The following NDRG3 variants were observed in gnomAD, a reference collection of about 807,000 sequenced individuals.
The protein encoded by NDRG3 is NDRG family member 3.
In NDRG3, 23 loss-of-function variants were observed where a neutral mutation model predicts 57.2. That is an observed-to-expected ratio of 0.40 (90% CI 0.29 to 0.57). The LOEUF is 0.57. Ranked by LOEUF, NDRG3 falls within the 20% of genes least tolerant of loss-of-function variation. The pLI is 0.42. For missense variants in NDRG3, 384 were observed against 457.3 expected (o/e 0.84, Z 1.46); for synonymous variants, 132 against 162.6 (o/e 0.81, Z 1.43).
intron 5 of NDRG3, among the ~76,000 whole-genome samples, chr20:36,686,348 T>C (rs1045438841): frequency 6.6e-6 from 1 of 152,212 alleles, no homozygotes; most frequent in African/African-American, 2.4e-5. Flanking sequence ...GTTTCCTCAC[T>C]TATAAAATGG....
At chr20:36,682,398 A>G (rs886585723) in intron 7 of NDRG3, 120 bp downstream of exon 7, 2 of 744,110 alleles carry the variant, frequency 2.7e-6, no homozygotes, top group African/African-American at 3.5e-5. Context: ...TAAAGCTGAC[A>G]GAAGTTACAG....
chr20:36,723,102 C>T (rs1475496146), intron 1 of NDRG3, among the ~76,000 whole-genome samples: 2 of 152,204 alleles, frequency 1.3e-5, no homozygotes, highest in East Asian at 1.9e-4. Context: ...CACCTGACTG[C>T]AACCACATGA....
intron 5 of NDRG3, 98 bp downstream of exon 5, chr20:36,687,394 A>T: frequency 6.9e-7 from 1 of 1,451,990 alleles, no homozygotes; most frequent in Non-Finnish European, 9.4e-7. Flanking sequence ...ATAGACGGTA[A>T]TAAAATCAAA....
chr20:36,674,600 T>C (rs942247170), intron 8 of NDRG3, among the ~76,000 whole-genome samples: 3 of 149,840 alleles, frequency 2.0e-5, no homozygotes, highest in African/African-American at 7.4e-5. Context: ...TAAAGCTTTT[T>C]TTTTTTTTTT....
At chr20:36,661,346 C>T (rs1707786853) in intron 12 of NDRG3, among the ~76,000 whole-genome samples, 1 of 152,180 alleles carries the variant, frequency 6.6e-6, no homozygotes. Context: ...TTTGGGGAGA[C>T]AATCTGTTGG....
At chr20:36,725,911 A>T (rs1984902611) in intron 1 of NDRG3, among the ~76,000 whole-genome samples, 1 of 148,956 alleles carries the variant, frequency 6.7e-6, no homozygotes, top group South Asian at 2.1e-4. Context: ...AGTGACTGGC[A>T]TTCACCTAGT....
chr20:36,746,079 AGCGGCGGCGGCG>A (rs11466997), exon 1 of NDRG3: 734 of 251,364 alleles, frequency 2.9e-3, 14 homozygotes, highest in East Asian at 0.019. Context: ...GTGCAGCAGC[AGCGGCGGCGGCG>A]GCGGCGGCGG....
intron 9 of NDRG3, among the ~76,000 whole-genome samples, chr20:36,666,636 C>T (rs1302651248): frequency 1.3e-5 from 2 of 152,054 alleles, no homozygotes; most frequent in African/African-American, 4.8e-5. Flanking sequence ...CAAGTACTAG[C>T]TGTGGAACTT....
At chr20:36,732,802 T>G (rs912860032) in intron 1 of NDRG3, among the ~76,000 whole-genome samples, 1 of 152,084 alleles carries the variant, frequency 6.6e-6, no homozygotes, top group Non-Finnish European at 1.5e-5. Context: ...TATCTCATTC[T>G]GCACTGTGTC....
intron 1 of NDRG3, among the ~76,000 whole-genome samples, chr20:36,736,829 T>C (rs1306189440): frequency 6.6e-6 from 1 of 151,930 alleles, no homozygotes; most frequent in Admixed American, 6.6e-5. Context: ...AGAGATGCTA[T>C]CCCCCCTATC....
At chr20:36,723,658 T>TAG (rs1984734675) in intron 1 of NDRG3, among the ~76,000 whole-genome samples, 1 of 102,096 alleles carries the variant, frequency 9.8e-6, no homozygotes, top group East Asian at 2.8e-4. Context: ...GATATTAGTC[T>TAG]AGTGTGTGTG....
chr20:36,659,579 G>C (rs996294476), intron 13 of NDRG3, among the ~76,000 whole-genome samples: 1 of 151,992 alleles, frequency 6.6e-6, no homozygotes, highest in African/African-American at 2.4e-5. Context: ...AACATATTCA[G>C]GAAAAAAGCT....
chr20:36,678,153 G>C (rs1352923872), intron 8 of NDRG3, among the ~76,000 whole-genome samples: 1 of 152,198 alleles, frequency 6.6e-6, no homozygotes, highest in East Asian at 1.9e-4. Context: ...CACAGATAAA[G>C]TGCTGGGGTT....
intron 2 of NDRG3, 97 bp from the exon 3 acceptor site, chr20:36,707,104 C>CTGCA: frequency 9.0e-7 from 1 of 1,117,250 alleles, no homozygotes; most frequent in South Asian, 1.3e-5. Context: ...GCATGTGCAG[C>CTGCA]CTCTTGGTTG....
chr20:36,664,833 G>C (rs1313620265), intron 12 of NDRG3, among the ~76,000 whole-genome samples: 1 of 152,000 alleles, frequency 6.6e-6, no homozygotes, highest in African/African-American at 2.4e-5. Flanking sequence ...GGGACTACAG[G>C]CTGTCACCAT....
At chr20:36,683,979 A>T (rs1036602271) in intron 6 of NDRG3, among the ~76,000 whole-genome samples, 4 of 152,090 alleles carry the variant, frequency 2.6e-5, no homozygotes, top group African/African-American at 4.8e-5. Flanking sequence ...GAACGTTTTT[A>T]AAAAAATTTA....
chr20:36,727,749 G>T (rs1568669356), intron 1 of NDRG3, among the ~76,000 whole-genome samples: 1 of 151,502 alleles, frequency 6.6e-6, no homozygotes, highest in Non-Finnish European at 1.5e-5. Flanking sequence ...CACCGTGTTA[G>T]CCAGGATGGT....
chr20:36,691,390 C>G (rs1851805362), intron 3 of NDRG3, among the ~76,000 whole-genome samples: 1 of 152,130 alleles, frequency 6.6e-6, no homozygotes, highest in Non-Finnish European at 1.5e-5. Context: ...GAAATGAAGA[C>G]TAGAATCAGG....
At chr20:36,656,132 CAAAAAAAAAAAAAA>C (rs1180409064) in intron 15 of NDRG3, among the ~76,000 whole-genome samples, 1 of 49,254 alleles carries the variant, frequency 2.0e-5, no homozygotes, top group African/African-American at 7.1e-5. Flanking sequence ...GACTCTGTCT[CAAAAAAAAAAAAAA>C]AAAAAAAAGA....
Sources: allele counts gnomAD v4.1 joint callset (sites outside exome capture counted in the v4.1 genomes callset), GRCh38; gene constraint gnomAD v4.1.1; transcripts MANE v1.5; gene names NCBI Gene and HGNC (gene_info 2026-07-23, HGNC 2026-07-21).